The following PAPPA2 variants were observed in gnomAD, a reference collection of about 807,000 sequenced individuals.
The protein encoded by PAPPA2 is pappalysin 2.
Under a neutral mutation model 176.4 loss-of-function variants are expected in PAPPA2, and 86 were observed. The observed-to-expected ratio is 0.49, with a 90% confidence interval of 0.41 to 0.58. The LOEUF is 0.58. PAPPA2 is among the 20% of genes least tolerant of loss of function. The pLI, the probability that PAPPA2 is intolerant of heterozygous loss-of-function variation, is 0.00. For missense variants in PAPPA2, 2,073 were observed against 2,256.9 expected, an observed-to-expected ratio of 0.92 and a Z score of 1.65; for synonymous variants, 809 against 852.2, an observed-to-expected ratio of 0.95 and a Z score of 0.88.
At position 176,573,016 on chromosome 1, in the gene PAPPA2, A is replaced by C. The variant is rs1235897518; in HGVS notation, c.919+15775A>C. 3.3e-5 allele frequency among the ~76,000 whole-genome samples: 5 copies of C among 152,286 alleles called. No individual in the cohort carries two copies. In the East Asian group the frequency reaches 9.7e-4, roughly 29 times the overall value. ...TTGACTGAGAAGAGAAACATCCGGGAAATTGGTGTGGTGCTGCCAAAGAAC... is the reference window on the plus strand; with the variant it reads ...TTGACTGAGAAGAGAAACATCCGGGCAATTGGTGTGGTGCTGCCAAAGAAC... On this transcript the variant is annotated intron_variant, in intron 2 of 22. Transcript: ENST00000367662.
At chr1:176,548,333 A>C (rs139962616) in intron 1 of PAPPA2, among the ~76,000 whole-genome samples, 12 of 152,266 alleles carry the variant, frequency 7.9e-5, no homozygotes, top group African/African-American at 2.4e-4. Flanking sequence ...AGTGGGAACA[A>C]GAGCTCTTGG....
rs576549120 is a variant in PAPPA2, at chr1:176,677,889, G to A, written c.2137+6774G>A. 2.0e-4 allele frequency among the ~76,000 whole-genome samples: 30 copies of A among 152,320 alleles called. 1 individual carries two copies. In the South Asian group the frequency reaches 6.2e-3, roughly 32 times the overall value. On this transcript the variant is annotated intron_variant, in intron 4 of 22. Coordinates refer to ENST00000367662, the MANE Select transcript of PAPPA2 (RefSeq NM_020318.3). Reference sequence around the variant, plus strand: ...AATAATGAAAACAGTCTGCCCTTAAGGGGTGCACAGCATGATTGGGAGACA... The same window carrying A: ...AATAATGAAAACAGTCTGCCCTTAAAGGGTGCACAGCATGATTGGGAGACA...
intron 12 of PAPPA2, among the ~76,000 whole-genome samples, chr1:176,715,573 G>A (rs894799674): frequency 2.0e-5 from 3 of 152,170 alleles, no homozygotes; most frequent in Non-Finnish European, 4.4e-5. Context: ...TTCCTGGGGA[G>A]CCACGTGTTC....
intron 15 of PAPPA2, 48 bp downstream of exon 15, chr1:176,765,885 A>G: frequency 6.3e-7 from 1 of 1,595,096 alleles, no homozygotes; most frequent in Non-Finnish European, 8.5e-7. Context: ...TGGGAAGGGG[A>G]GGTATTCACA....
chr1:176,704,662 T>C (rs1314558222), intron 9 of PAPPA2, among the ~76,000 whole-genome samples: 1 of 152,212 alleles, frequency 6.6e-6, no homozygotes, highest in Non-Finnish European at 1.5e-5. Context: ...TCTTCAAGTA[T>C]ATTTGGAACA....
chr1:176,599,689 TTG>T (rs1412609036), intron 3 of PAPPA2, among the ~76,000 whole-genome samples: 1 of 151,852 alleles, frequency 6.6e-6, no homozygotes, highest in East Asian at 1.9e-4. Flanking sequence ...AATTGTTTTT[TTG>T]TGTGTTATAT....
chr1:176,598,513 T>A (rs1247701361), intron 3 of PAPPA2, among the ~76,000 whole-genome samples: 3 of 152,170 alleles, frequency 2.0e-5, no homozygotes, highest in Non-Finnish European at 1.5e-5. Context: ...ATTCTATTAT[T>A]ATATTTCTTT....
At chr1:176,834,412 G>C (rs1040458) in intron 21 of PAPPA2, among the ~76,000 whole-genome samples, 9,996 of 152,280 alleles carry the variant, frequency 0.066, 381 homozygotes, top group Non-Finnish European at 0.086. Flanking sequence ...GAGGAATGAA[G>C]AGTGGAAGAG....
At chr1:176,711,189 A>G (rs192317103) in intron 11 of PAPPA2, among the ~76,000 whole-genome samples, 1 of 152,254 alleles carries the variant, frequency 6.6e-6, no homozygotes, top group African/African-American at 2.4e-5. Context: ...ATTGGAGTTT[A>G]TTAATAAAAA....
intron 1 of PAPPA2, among the ~76,000 whole-genome samples, chr1:176,527,168 A>G (rs1356720745): frequency 1.3e-5 from 2 of 152,208 alleles, no homozygotes; most frequent in African/African-American, 4.8e-5. Context: ...AGTTTAGCAG[A>G]GGTGAAAGAT....
chr1:176,738,858 C>T (rs904668348), intron 12 of PAPPA2, among the ~76,000 whole-genome samples: 1 of 151,106 alleles, frequency 6.6e-6, no homozygotes, highest in Admixed American at 6.6e-5. Context: ...TTTTTTCTAT[C>T]AAAGGATTTC....
chr1:176,844,129 G>T lies in PAPPA2; in HGVS notation c.*1675G>T, dbSNP rs534036966. On this transcript the variant is annotated 3_prime_UTR_variant, in exon 23 of 23. Transcript: ENST00000367662. ...GAAAGTGAGTAAGGAGCCAGTTTCT[G>T]TTTAACATTCTAGTTTTACTCATTT... 2 of 150,232 alleles carry T rather than the reference G, an allele frequency of 1.3e-5. No individual in the cohort carries two copies. The highest frequency in any genetic ancestry group is 4.9e-5 in the African/African-American group (2 of 40,616). The allele number at this position is 150,232 out of a possible 1,614,324, so 9.3% of individuals were successfully genotyped here.
intron 19 of PAPPA2, among the ~76,000 whole-genome samples, chr1:176,791,777 CTCCTGACCTCAGGTGA>C (rs1391656699): frequency 6.6e-6 from 1 of 152,156 alleles, no homozygotes; most frequent in Non-Finnish European, 1.5e-5. Flanking sequence ...TGGTCTCAAA[CTCCTGACCTCAGGTGA>C]TCTGCCCACC....
chr1:176,694,081 A>C (rs1660246693), intron 6 of PAPPA2, among the ~76,000 whole-genome samples: 1 of 152,132 alleles, frequency 6.6e-6, no homozygotes, highest in Non-Finnish European at 1.5e-5. Context: ...CTCACGTCAC[A>C]TGGCCAGCAA....
rs185858281 is a variant in PAPPA2 at position 176,546,166 on chromosome 1, G to A, written c.-916-9241G>A. On this transcript the variant is annotated intron_variant, in intron 1 of 22. Coordinates refer to ENST00000367662, the MANE Select transcript of PAPPA2 (RefSeq NM_020318.3). Reference sequence around the variant, plus strand: ...ATGAGATTTGCTCTCCTTTGTCTAGGGCTGCTTCCTGGACAGCTGGAGAAA... The same window carrying A: ...ATGAGATTTGCTCTCCTTTGTCTAGAGCTGCTTCCTGGACAGCTGGAGAAA... Among the ~76,000 whole-genome samples the A allele has an allele frequency of 4.5e-4, 69 of 152,156 alleles. No homozygotes were observed. In the Middle Eastern group the frequency reaches 0.014, roughly 30 times the overall value.
At chr1:176,540,750 C>G (rs1171502451) in intron 1 of PAPPA2, among the ~76,000 whole-genome samples, 1 of 152,178 alleles carries the variant, frequency 6.6e-6, no homozygotes, top group Non-Finnish European at 1.5e-5. Flanking sequence ...ACCAGATAAC[C>G]TAACCTTCTC....
In PAPPA2 at chr1:176,504,507, C is replaced by T. The variant is rs74366985; in HGVS notation, c.-917+41089C>T. 3.3e-5 allele frequency among the ~76,000 whole-genome samples: 5 copies of T among 151,980 alleles called. No homozygotes were observed. In the East Asian group the frequency reaches 5.8e-4, roughly 18 times the overall value. On this transcript the variant is annotated intron_variant, in intron 1 of 22. Transcript: ENST00000367662. ...TATCAGTAGATATAGATCACTTTTTCGTCTTGCTAATGGCTGTGGTAGTCA... is the reference window on the plus strand; with the variant it reads ...TATCAGTAGATATAGATCACTTTTTTGTCTTGCTAATGGCTGTGGTAGTCA...
intron 3 of PAPPA2, chr1:176,616,653 A>T: frequency 6.4e-7 from 1 of 1,568,806 alleles, no homozygotes. Context: ...ACATACTCTT[A>T]CTATTGTGGT....
intron 21 of PAPPA2, among the ~76,000 whole-genome samples, chr1:176,809,381 G>C (rs1222775348): frequency 6.6e-6 from 1 of 152,194 alleles, no homozygotes; most frequent in Non-Finnish European, 1.5e-5. Context: ...AAGTTGTATT[G>C]TTTTTACACA....
Sources: gnomAD v4.1 joint callset for allele counts (sites outside exome capture counted in the v4.1 genomes callset) on GRCh38, gnomAD v4.1.1 for gene constraint, MANE v1.5 for transcripts, NCBI Gene and HGNC (gene_info 2026-07-23, HGNC 2026-07-21) for gene names.